The following ZBTB40 variants were observed in gnomAD, a reference collection of about 807,000 sequenced individuals.
ZBTB40 encodes zinc finger and BTB domain-containing protein 40.
ZBTB40 carries 60 observed loss-of-function variants against 117.5 expected under a neutral mutation model. That is an observed-to-expected ratio of 0.51 (90% CI 0.41 to 0.63). The LOEUF (loss-of-function observed/expected upper bound fraction) is 0.63. Ranked by LOEUF, ZBTB40 falls within the 30% of genes least tolerant of loss-of-function variation. The probability of loss-of-function intolerance (pLI) is 0.00; values close to 1 mark genes in which losing one functional copy is unlikely to be tolerated. For synonymous variants in ZBTB40, 525 were observed against 577.1 expected (o/e 0.91, Z 1.29); for missense variants, 1,287 against 1,498.5 (o/e 0.86, Z 2.33).
chr1:22,496,480 T>TA (rs1638778654), intron 3 of ZBTB40, among the ~76,000 whole-genome samples: 1 of 152,188 alleles, frequency 6.6e-6, no homozygotes, highest in African/African-American at 2.4e-5. Context: ...CCCATTCACG[T>TA]ACCGCAAGGA....
intron 12 of ZBTB40, among the ~76,000 whole-genome samples, chr1:22,514,784 G>A (rs1039967299): frequency 4.6e-5 from 7 of 152,170 alleles, no homozygotes; most frequent in African/African-American, 1.7e-4. Context: ...GTCATGAGTG[G>A]CAAGCTGTTA....
At chr1:22,442,760 T>A (rs952278099) in intron 1 of ZBTB40, among the ~76,000 whole-genome samples, 29 of 152,192 alleles carry the variant, frequency 1.9e-4, no homozygotes, top group African/African-American at 7.0e-4. Context: ...AGCTTGTCCC[T>A]AACAAGATCT....
At chr1:22,508,764 C>G (rs367944525) in intron 8 of ZBTB40, 33 bp downstream of exon 8, 1 of 1,603,926 alleles carries the variant, frequency 6.2e-7, no homozygotes, top group Non-Finnish European at 8.5e-7. Flanking sequence ...GGGTTTTGCC[C>G]CCACTAGAGA....
At chr1:22,459,714 A>G (rs1246901528) in intron 1 of ZBTB40, among the ~76,000 whole-genome samples, 1 of 152,128 alleles carries the variant, frequency 6.6e-6, no homozygotes, top group African/African-American at 2.4e-5. Flanking sequence ...TTAATAATCA[A>G]TTTGTCTGGT....
rs565553380 is a variant in ZBTB40 at position 22,437,822 on chromosome 1, C to T, written c.-70+8808C>T. ...CACCATCCATCTCCATAACTCTTTTCGTCTTGTGAAACCAAAACTCTGGTC... is the reference window on the plus strand; with the variant it reads ...CACCATCCATCTCCATAACTCTTTTTGTCTTGTGAAACCAAAACTCTGGTC... On this transcript the variant is annotated intron_variant, in intron 1 of 8. Transcript: ENST00000650433. 1.6e-4 allele frequency among the ~76,000 whole-genome samples: 24 copies of T among 151,662 alleles called. No individual in the cohort carries two copies. In the East Asian group the frequency reaches 2.4e-3, roughly 15 times the overall value.
intron 3 of ZBTB40, among the ~76,000 whole-genome samples, chr1:22,492,595 G>T (rs922349038): frequency 1.3e-5 from 2 of 152,214 alleles, no homozygotes; most frequent in Non-Finnish European, 2.9e-5. Flanking sequence ...AGGCAATTTT[G>T]TATTAGTCCA....
chr1:22,443,104 C>T (rs867295815), intron 1 of ZBTB40, among the ~76,000 whole-genome samples: 2 of 152,136 alleles, frequency 1.3e-5, no homozygotes, highest in African/African-American at 2.4e-5. Context: ...TACTCCAGAA[C>T]GTTACGTTCT....
Position 22,495,890 on chromosome 1 carries a change from C to T in ZBTB40, c.831+4357C>T, listed in dbSNP as rs139713004. Among the ~76,000 whole-genome samples the T allele has an allele frequency of 2.8e-3, 434 of 152,318 alleles. 2 individuals carry two copies. Among genetic ancestry groups the T allele is most frequent in the African/African-American group, 0.01 (417 of 41,574 alleles). On this transcript the variant is annotated intron_variant, in intron 3 of 17. Coordinates refer to ENST00000375647, the MANE Select transcript of ZBTB40 (RefSeq NM_014870.4). The stretch of plus-strand genomic sequence containing the variant: ...AAGTTTCAACACTGCCACTTACTTG[C>T]TCTGTGGCTTTAGGCAAGTTGTTTT...
At chr1:22,440,487 A>G (rs1557472813) in intron 1 of ZBTB40, among the ~76,000 whole-genome samples, 1 of 152,232 alleles carries the variant, frequency 6.6e-6, no homozygotes, top group Non-Finnish European at 1.5e-5. Flanking sequence ...CACAAACAAA[A>G]CAAGTAAAAC....
intron 1 of ZBTB40, among the ~76,000 whole-genome samples, chr1:22,480,257 GC>G (rs1292004820): frequency 6.6e-6 from 1 of 151,882 alleles, no homozygotes; most frequent in East Asian, 1.9e-4. Flanking sequence ...TTTAAACTTT[GC>G]AAATATCTGC....
Position 22,506,115 on chromosome 1 carries a change from A to G in ZBTB40, c.1234A>G (p.Thr412Ala). 3 of 1,614,182 alleles carry G rather than the reference A, an allele frequency of 1.9e-6. No homozygotes were observed. Among genetic ancestry groups the G allele is most frequent in the Non-Finnish European group, 2.5e-6 (3 of 1,180,004 alleles). Reference sequence around the variant, plus strand: ...AATAGAAAATTTGTTGCACAGAATGACTGAAGAGAAGACGCTGACTGCTGA... The same window carrying G: ...AATAGAAAATTTGTTGCACAGAATGGCTGAAGAGAAGACGCTGACTGCTGA... Reference protein sequence around the residue: ...ETIENLLHRMTEEKTLTAEGL... With the variant: ...ETIENLLHRMAEEKTLTAEGL... The change falls in exon 6 of 18, where the codon ACT becomes GCT. Residue 412 changes from threonine (T) to alanine (A), a missense_variant. Physicochemically the swap from Thr to Ala is moderately conservative, Grantham distance 58. Transcript: ENST00000375647.
chr1:22,520,421 T>C (rs1388407978), intron 14 of ZBTB40, 146 bp downstream of exon 14: 2 of 746,400 alleles, frequency 2.7e-6, no homozygotes, highest in Non-Finnish European at 4.6e-6. Flanking sequence ...AGGATGCAGC[T>C]TGTGATCCAG....
rs767913519 is a variant in ZBTB40 at position 22,433,432 on chromosome 1, C to CAAAAAAAAAAA, written c.-70+4433_-70+4443dup. Among the ~76,000 whole-genome samples the CAAAAAAAAAAA allele has an allele frequency of 5.0e-3, 44 of 8,764 alleles. 9 individuals carry two copies. The highest frequency in any genetic ancestry group is 0.029 in the East Asian group (3 of 102). The allele number at this position is 8,764 out of a possible 152,430, so 5.7% of individuals were successfully genotyped here. On this transcript the variant is annotated intron_variant, in intron 1 of 8. Coordinates refer to the ZBTB40 transcript ENST00000650433. ...TGGGCGACAGAGCAAGACGCCCTCT[C>CAAAAAAAAAAA]AAAAAAAAAAAAAAAAAAAAAAAAA...
chr1:22,516,267 T>C (rs900191811), intron 12 of ZBTB40, among the ~76,000 whole-genome samples: 3 of 152,140 alleles, frequency 2.0e-5, no homozygotes, highest in Non-Finnish European at 2.9e-5. Context: ...ATGTGAAGTA[T>C]GTTAGTTTAT....
chr1:22,471,707 C>A (rs1641408995), intron 1 of ZBTB40, among the ~76,000 whole-genome samples: 1 of 152,204 alleles, frequency 6.6e-6, no homozygotes, highest in Admixed American at 6.5e-5. Flanking sequence ...TTAATCACCT[C>A]CTATTCACCC....
chr1:22,502,184 A>G, intron 4 of ZBTB40, 115 bp from the exon 5 acceptor site: 1 of 1,268,286 alleles, frequency 7.9e-7, no homozygotes, highest in Non-Finnish European at 1.1e-6. Flanking sequence ...TCAGGTGCTC[A>G]GAATAAGCTG....
chr1:22,520,197 G>A lies in ZBTB40; in HGVS notation c.2970G>A (p.Pro990=), dbSNP rs753041868. 38 of 1,614,068 alleles carry A rather than the reference G, an allele frequency of 2.4e-5. No individual in the cohort carries two copies. Among genetic ancestry groups the A allele is most frequent in the South Asian group, 1.1e-4 (10 of 91,082 alleles). Residue 990 remains proline (P), a synonymous_variant, in exon 14 of 18, where the codon CCG becomes CCA. Transcript: ENST00000375647. ...CGTGTGGGAAGATCTTCAGTGCCCC[G>A]TCCATGCTGGAGCGGCACGTGGTGA... ...CPTCGKIFSA[P]SMLERHVVTH...
intron 13 of ZBTB40, 151 bp downstream of exon 13, chr1:22,517,615 TC>T: frequency 1.1e-6 from 1 of 882,590 alleles, no homozygotes; most frequent in Non-Finnish European, 1.7e-6. Context: ...AGTCCCTCAT[TC>T]CTAGTTCAGG....
At chr1:22,519,326 T>C (rs924633233) in intron 13 of ZBTB40, among the ~76,000 whole-genome samples, 4 of 152,236 alleles carry the variant, frequency 2.6e-5, no homozygotes, top group African/African-American at 9.6e-5. Context: ...CACTGAAGGG[T>C]TGGCATATCC....
Sources: gnomAD v4.1 joint callset for allele counts (sites outside exome capture counted in the v4.1 genomes callset) on GRCh38, gnomAD v4.1.1 for gene constraint, MANE v1.5 for transcripts, NCBI Gene and HGNC (gene_info 2026-07-23, HGNC 2026-07-21) for gene names.